The following ZNF704 variants were observed in gnomAD, a reference collection of about 807,000 sequenced individuals.
The protein encoded by ZNF704 is glucocorticoid induced gene 1.
Under a neutral mutation model 44.7 loss-of-function variants are expected in ZNF704, and 10 were observed. The ratio of observed to expected loss-of-function variants is 0.22; its 90% CI spans 0.14 to 0.38. The LOEUF (loss-of-function observed/expected upper bound fraction) is 0.38. ZNF704 is among the 10% of genes least tolerant of loss of function. The probability of loss-of-function intolerance (pLI) is 1.00; values close to 1 mark genes in which losing one functional copy is unlikely to be tolerated. For missense variants in ZNF704, 390 were observed against 545.5 expected, an observed-to-expected ratio of 0.71 and a Z score of 2.84; for synonymous variants, 211 against 207.6, an observed-to-expected ratio of 1.02 and a Z score of -0.14.
At chr8:80,833,891 G>T (rs147040322) in intron 1 of ZNF704, among the ~76,000 whole-genome samples, 13 of 152,280 alleles carry the variant, frequency 8.5e-5, no homozygotes, top group African/African-American at 7.2e-5. Flanking sequence ...AGGGGTTTTG[G>T]AATGGGCCAA....
rs956668877 is a variant in ZNF704, at chr8:80,633,163, C to T, written c.*8203G>A. On this transcript the variant is annotated 3_prime_UTR_variant, in exon 9 of 9. Coordinates refer to ENST00000327835, the MANE Select transcript of ZNF704 (RefSeq NM_001033723.3). ...AACATGACTTAACCATATTACCAGG[C>T]GTTTCCAACTCTGAGTTTACAGTAT... 1 of 152,144 alleles carries T rather than the reference C, an allele frequency of 6.6e-6. No individual in the cohort carries two copies. The highest frequency in any genetic ancestry group is 1.5e-5 in the Non-Finnish European group (1 of 68,030). 9.4% of individuals were successfully genotyped at this position (152,144 alleles called of 1,614,324 possible).
At position 80,845,639 on chromosome 8, in the gene ZNF704, T is replaced by C. The variant is rs189076483; in HGVS notation, c.-21-24024A>G. 6.7e-3 allele frequency among the ~76,000 whole-genome samples: 1,026 copies of C among 152,284 alleles called. 13 individuals are homozygous for C. Among genetic ancestry groups the C allele is most frequent in the Non-Finnish European group, 9.4e-3 (638 of 68,014 alleles). Reference sequence around the variant, plus strand: ...CAGTAAGAAGCTATCCGCAGAACCATGAATTTAGACTTGCTAATAAAGTAT... The same window carrying C: ...CAGTAAGAAGCTATCCGCAGAACCACGAATTTAGACTTGCTAATAAAGTAT... On this transcript the variant is annotated intron_variant, in intron 1 of 8. Coordinates refer to ENST00000327835, the MANE Select transcript of ZNF704 (RefSeq NM_001033723.3).
chr8:80,859,327 C>T (rs1809019637), intron 1 of ZNF704, among the ~76,000 whole-genome samples: 2 of 152,188 alleles, frequency 1.3e-5, no homozygotes, highest in African/African-American at 4.8e-5. Flanking sequence ...TGAAGTTAAT[C>T]TACCAGGGGT....
chr8:80,696,720 ATTTC>A (rs1257036907), intron 2 of ZNF704, among the ~76,000 whole-genome samples: 1 of 152,164 alleles, frequency 6.6e-6, no homozygotes, highest in Non-Finnish European at 1.5e-5. Flanking sequence ...GCCCGGCCAG[ATTTC>A]TTTGATTTTG....
intron 2 of ZNF704, among the ~76,000 whole-genome samples, chr8:80,726,383 G>A (rs1806481053): frequency 1.3e-5 from 2 of 152,090 alleles, no homozygotes; most frequent in Admixed American, 6.6e-5. Context: ...TTTTTTGAAG[G>A]TGTAAAAAGA....
At chr8:80,884,288 A>G in the ZNF704 span, among the ~76,000 whole-genome samples, 2 of 152,172 alleles carry the variant, frequency 1.3e-5, no homozygotes, top group Admixed American at 6.5e-5. Flanking sequence ...ATTACCTTCC[A>G]TTTCTTTGAC....
intron 2 of ZNF704, among the ~76,000 whole-genome samples, chr8:80,765,479 C>T (rs1351752574): frequency 2.0e-5 from 3 of 152,196 alleles, no homozygotes; most frequent in African/African-American, 7.2e-5. Context: ...CCCAAACCCA[C>T]ATCCTTATGC....
At position 80,674,166 on chromosome 8, in the gene ZNF704, C is replaced by A. The variant is rs76496516; in HGVS notation, c.559-3563G>T. On this transcript the variant is annotated intron_variant, in intron 4 of 8. Coordinates refer to ENST00000327835, the MANE Select transcript of ZNF704 (RefSeq NM_001033723.3). ...AAGGAGACGGTTCACAAATTTCAGC[C>A]TTCCTGACCTCCTTGGGCCAGTGAT... Among the ~76,000 whole-genome samples the A allele has an allele frequency of 6.8e-3, 1,037 of 152,308 alleles. 16 individuals are homozygous for A. Among genetic ancestry groups the A allele is most frequent in the African/African-American group, 0.024 (1,008 of 41,560 alleles).
At chr8:80,817,194 T>C (rs1808190179) in intron 2 of ZNF704, among the ~76,000 whole-genome samples, 2 of 152,062 alleles carry the variant, frequency 1.3e-5, no homozygotes, top group African/African-American at 4.8e-5. Flanking sequence ...GCACTTTTAA[T>C]ATATAAAGTA....
At chr8:80,725,625 G>T (rs897741112) in intron 2 of ZNF704, among the ~76,000 whole-genome samples, 2 of 152,134 alleles carry the variant, frequency 1.3e-5, no homozygotes, top group Non-Finnish European at 2.9e-5. Context: ...GAATGACCTT[G>T]ATTTGTCCAA....
In ZNF704 at chr8:80,754,133, GT is replaced by G. The variant is rs377254415; in HGVS notation, c.222-61027del. On this transcript the variant is annotated intron_variant, in intron 2 of 8. Transcript: ENST00000327835. ...AAAGGGCCTTTCCTGACTTTCTTCT[GT>G]TTTTTTTTCCTTACAATTGTATTTT... Among the ~76,000 whole-genome samples the G allele has an allele frequency of 1.2e-3, 179 of 150,984 alleles. No homozygotes were observed. In the Middle Eastern group the frequency reaches 0.014, roughly 11 times the overall value.
At chr8:80,772,012 C>T (rs1807329234) in intron 2 of ZNF704, among the ~76,000 whole-genome samples, 1 of 152,098 alleles carries the variant, frequency 6.6e-6, no homozygotes, top group South Asian at 2.1e-4. Context: ...TCCAGTCAAT[C>T]CAGTGATTTT....
At chr8:80,798,804 T>C (rs971770586) in intron 2 of ZNF704, among the ~76,000 whole-genome samples, 13 of 152,226 alleles carry the variant, frequency 8.5e-5, no homozygotes, top group Non-Finnish European at 1.5e-4. Context: ...CCATTTTCTG[T>C]TGCTTAAAAC....
intron 2 of ZNF704, chr8:80,812,647 G>A (rs767056417): frequency 6.6e-6 from 1 of 152,296 alleles, no homozygotes; most frequent in Non-Finnish European, 1.5e-5. Context: ...CAAGGCAAGA[G>A]TCACCCAGTG....
chr8:80,740,333 C>A (rs1806735686), intron 2 of ZNF704, among the ~76,000 whole-genome samples: 1 of 152,064 alleles, frequency 6.6e-6, no homozygotes, highest in Non-Finnish European at 1.5e-5. Flanking sequence ...GAAGTCTGGG[C>A]AACAGAAGGA....
chr8:80,859,695 C>T (rs929504378), intron 1 of ZNF704, among the ~76,000 whole-genome samples: 1 of 152,048 alleles, frequency 6.6e-6, no homozygotes, highest in Admixed American at 6.6e-5. Flanking sequence ...TGAGCAATCT[C>T]GGGGATAAGT....
rs534996265 is a variant in ZNF704, at chr8:80,860,811, T to C, written c.-22+13760A>G. Among the ~76,000 whole-genome samples the C allele has an allele frequency of 2.6e-3, 401 of 152,364 alleles. 1 individual carries two copies. Among genetic ancestry groups the C allele is most frequent in the Middle Eastern group, 6.8e-3 (2 of 294 alleles). On this transcript the variant is annotated intron_variant, in intron 1 of 8. Coordinates refer to ENST00000327835, the MANE Select transcript of ZNF704 (RefSeq NM_001033723.3). Reference sequence around the variant, plus strand: ...AATTATGAATAAATTAGGAGCTCTGTAGCTTTCATTTCCAATCCATACCCC... The same window carrying C: ...AATTATGAATAAATTAGGAGCTCTGCAGCTTTCATTTCCAATCCATACCCC...
intron 4 of ZNF704, among the ~76,000 whole-genome samples, chr8:80,672,820 C>G (rs1348077883): frequency 6.6e-6 from 1 of 152,084 alleles, no homozygotes; most frequent in Non-Finnish European, 1.5e-5. Context: ...ACTATGTTCA[C>G]TACCTGGGTG....
At chr8:80,680,949 G>A (rs145196563) in intron 4 of ZNF704, among the ~76,000 whole-genome samples, 1,574 of 152,290 alleles carry the variant, frequency 0.01, 30 homozygotes, top group African/African-American at 0.036. Flanking sequence ...AAACAGTTCT[G>A]TAAATGGAAT....
Sources: gnomAD v4.1 joint callset for allele counts (sites outside exome capture counted in the v4.1 genomes callset) on GRCh38, gnomAD v4.1.1 for gene constraint, MANE v1.5 for transcripts, NCBI Gene and HGNC (gene_info 2026-07-23, HGNC 2026-07-21) for gene names.